PRUNE2: variants seen among roughly 807,000 people sequenced by gnomAD.
PRUNE2 encodes the protein protein prune homolog 2.
PRUNE2 carries 164 observed loss-of-function variants against 252.0 expected under a neutral mutation model. The observed-to-expected ratio is 0.65, with a 90% confidence interval of 0.57 to 0.74. The LOEUF (loss-of-function observed/expected upper bound fraction) is 0.74, where lower values mean the gene tolerates loss of function less well. PRUNE2 is among the 30% of genes least tolerant of loss of function. PRUNE2 has a pLI of 0.00. For missense variants in PRUNE2, 3,495 were observed against 3,711.0 expected (o/e 0.94, Z 1.51); for synonymous variants, 1,292 against 1,350.2 (o/e 0.96, Z 0.94).
At chr9:76,774,465 T>TATTTATTTA (rs761395945) in intron 6 of PRUNE2, among the ~76,000 whole-genome samples, 30,810 of 136,848 alleles carry the variant, frequency 0.23, 4,488 homozygotes, top group East Asian at 0.39. Flanking sequence ...TTTTTTTTTT[T>TATTTATTTA]TTTTTTTTTT....
chr9:76,785,361 A>C (rs959283649), intron 6 of PRUNE2: 1 of 152,230 alleles, frequency 6.6e-6, no homozygotes, highest in Non-Finnish European at 1.5e-5. Context: ...AGTTTAGATA[A>C]ATATATGAAA....
chr9:76,864,156 C>T lies in PRUNE2; in HGVS notation c.37-9948G>A, dbSNP rs749171651. On this transcript the variant is annotated intron_variant, in intron 1 of 18. Coordinates refer to ENST00000376718, the MANE Select transcript of PRUNE2 (RefSeq NM_015225.3). Reference sequence around the variant, plus strand: ...GTCCTTTGCAGCAAAATGTATGGAGCTGGATGGAGGACATTATCCTAAGCA... The same window carrying T: ...GTCCTTTGCAGCAAAATGTATGGAGTTGGATGGAGGACATTATCCTAAGCA... Among the ~76,000 whole-genome samples, 65 of 152,258 alleles carry T rather than the reference C, an allele frequency of 4.3e-4. 1 individual carries two copies. Among genetic ancestry groups the T allele is most frequent in the Middle Eastern group, 3.4e-3 (1 of 294 alleles).
chr9:76,677,271 A>T (rs899810168), intron 9 of PRUNE2, among the ~76,000 whole-genome samples: 4 of 151,824 alleles, frequency 2.6e-5, no homozygotes, highest in Admixed American at 1.3e-4. Flanking sequence ...TGGATTTTTT[A>T]AATTATTTGC....
At chr9:76,725,324 T>G (rs1331720612) in intron 6 of PRUNE2, among the ~76,000 whole-genome samples, 1 of 152,224 alleles carries the variant, frequency 6.6e-6, no homozygotes, top group Non-Finnish European at 1.5e-5. Context: ...TCACGCTCCT[T>G]GCATGGGGAG....
At chr9:76,863,415 C>T (rs1286617853) in intron 1 of PRUNE2, 2 of 152,094 alleles carry the variant, frequency 1.3e-5, no homozygotes, top group African/African-American at 2.4e-5. Context: ...TTCATATAAA[C>T]ATATTATTTG....
At chr9:76,742,382 G>A (rs954958327) in intron 6 of PRUNE2, among the ~76,000 whole-genome samples, 1 of 152,180 alleles carries the variant, frequency 6.6e-6, no homozygotes, top group African/African-American at 2.4e-5. Flanking sequence ...GAGATGTTGA[G>A]AAGGGAGGAT....
intron 9 of PRUNE2, among the ~76,000 whole-genome samples, chr9:76,678,899 A>G (rs1162086009): frequency 6.6e-6 from 1 of 152,234 alleles, no homozygotes; most frequent in Admixed American, 6.5e-5. Flanking sequence ...CACAGGTCTG[A>G]GACATAACCC....
At position 76,869,305 on chromosome 9, in the gene PRUNE2, T is replaced by C. The variant is rs376962115; in HGVS notation, c.37-15097A>G. ...GATTGTTTCCAGTACGGTGCAGGTA[T>C]GCAGGTTCACAGGGAAATGTGCGAG... On this transcript the variant is annotated intron_variant, in intron 1 of 18. Coordinates refer to ENST00000376718, the MANE Select transcript of PRUNE2 (RefSeq NM_015225.3). 7 of 152,208 alleles carry C rather than the reference T, an allele frequency of 4.6e-5. No individual in the cohort carries two copies. In the South Asian group the frequency reaches 1.0e-3, roughly 23 times the overall value. 9.4% of individuals were successfully genotyped at this position (152,208 alleles called of 1,614,324 possible).
intron 6 of PRUNE2, among the ~76,000 whole-genome samples, chr9:76,733,425 T>C (rs1299250850): frequency 2.0e-5 from 3 of 151,612 alleles, no homozygotes; most frequent in Non-Finnish European, 1.5e-5. Flanking sequence ...ATTCATCTAT[T>C]TGAGACAGGG....
intron 6 of PRUNE2, among the ~76,000 whole-genome samples, chr9:76,788,047 G>A (rs1286644208): frequency 6.6e-6 from 1 of 152,144 alleles, no homozygotes; most frequent in Non-Finnish European, 1.5e-5. Context: ...CGGCTCAAGA[G>A]TCCCTGACTT....
At chr9:76,855,681 C>T (rs188343497) in intron 1 of PRUNE2, among the ~76,000 whole-genome samples, 72 of 152,150 alleles carry the variant, frequency 4.7e-4, no homozygotes, top group African/African-American at 1.7e-3. Flanking sequence ...TGTAACATTG[C>T]TAAATTAAAA....
intron 9 of PRUNE2, among the ~76,000 whole-genome samples, chr9:76,657,931 C>T (rs1240126412): frequency 6.6e-6 from 1 of 152,182 alleles, no homozygotes; most frequent in East Asian, 1.9e-4. Context: ...TCCTTTTCAA[C>T]ACAAAGCAGA....
intron 1 of PRUNE2, among the ~76,000 whole-genome samples, chr9:76,872,221 G>A (rs554060771): frequency 1.3e-5 from 2 of 152,188 alleles, no homozygotes; most frequent in South Asian, 2.1e-4. Flanking sequence ...CCTCCCCACC[G>A]CATCCCCTCC....
chr9:76,688,502 C>G (rs548812465), intron 9 of PRUNE2, among the ~76,000 whole-genome samples: 1 of 152,324 alleles, frequency 6.6e-6, no homozygotes, highest in East Asian at 1.9e-4. Flanking sequence ...ACAGGGCTTG[C>G]CAATTCTTCT....
intron 6 of PRUNE2, chr9:76,785,739 G>GTA (rs1564300613): frequency 6.6e-6 from 1 of 151,974 alleles, no homozygotes; most frequent in Non-Finnish European, 1.5e-5. Flanking sequence ...AGCTCTGTGT[G>GTA]TGTGTGTGTG....
chr9:76,626,393 G>A (rs1354699583), intron 16 of PRUNE2, among the ~76,000 whole-genome samples: 1 of 152,206 alleles, frequency 6.6e-6, no homozygotes, highest in Admixed American at 6.5e-5. Flanking sequence ...AAGGAGCCAT[G>A]GCTCGTATCC....
intron 13 of PRUNE2, among the ~76,000 whole-genome samples, 185 bp downstream of exon 13, chr9:76,638,001 C>G (rs918334928): frequency 6.6e-6 from 1 of 152,132 alleles, no homozygotes; most frequent in Non-Finnish European, 1.5e-5. Context: ...TCTAGTCTAC[C>G]CACAAAAGAG....
chr9:76,703,343 G>C lies in PRUNE2; in HGVS notation c.8270C>G (p.Pro2757Arg). The C allele has an allele frequency of 6.4e-7, 1 of 1,574,676 alleles. No individual in the cohort carries two copies. Among genetic ancestry groups the C allele is most frequent in the Non-Finnish European group, 8.6e-7 (1 of 1,162,548 alleles). ...AATCTAGCTTTTTGCTTACCCATTT[G>C]GTCTTGATATCCTGGTTCCGAGCTC... ...FLELGTRISR[P>R]NGLLSEDVGM... Residue 2757 changes from proline to arginine, a missense_variant, in exon 9 of 19, where the codon CCA (proline) becomes CGA (arginine). Physicochemically the swap from Pro to Arg is moderately radical, Grantham distance 103. Transcript: ENST00000376718.
chr9:76,661,374 C>T (rs1851362320), intron 9 of PRUNE2, among the ~76,000 whole-genome samples: 1 of 152,306 alleles, frequency 6.6e-6, no homozygotes, highest in East Asian at 1.9e-4. Context: ...TCCCAAGTAG[C>T]TAGGATTACA....
Sources: allele counts gnomAD v4.1 joint callset (sites outside exome capture counted in the v4.1 genomes callset), GRCh38; gene constraint gnomAD v4.1.1; transcripts MANE v1.5; gene names NCBI Gene and HGNC (gene_info 2026-07-23, HGNC 2026-07-21).